Variants in APOC2 observed in about 807,000 individuals in gnomAD.
APOC2 encodes the protein apolipoprotein C-II.
A neutral mutation model predicts 10.2 loss-of-function variants in APOC2; 6 were observed. The observed-to-expected ratio is 0.59, with a 90% CI of 0.32 to 1.16. The LOEUF is 1.16. Ranked by LOEUF, APOC2 falls within the 50% of genes most tolerant of loss-of-function variation. The pLI, the probability that APOC2 is intolerant of heterozygous loss-of-function variation, is 0.05. For missense variants in APOC2, 110 were observed against 117.6 expected, an observed-to-expected ratio of 0.94 and a Z score of 0.30; for synonymous variants, 56 against 48.5, an observed-to-expected ratio of 1.15 and a Z score of -0.64.
intron 1 of APOC2, among the ~76,000 whole-genome samples, chr19:44,947,608 CAACAA>C (rs557513763): frequency 1.3e-5 from 2 of 152,172 alleles, no homozygotes; most frequent in South Asian, 2.1e-4. Context: ...CCAGCCTGGG[CAACAA>C]AACAAGTCTC....
In APOC2 at chr19:44,948,690, TC is replaced by T; in HGVS notation, c.56-6del. On this transcript the variant is annotated splice_polypyrimidine_tract_variant and intron_variant, in intron 2 of 3. Transcript: ENST00000252490. The stretch of plus-strand genomic sequence containing the variant: ...CCCCACGGGCTCTCCTGACACACTC[TC>T]CCCCTGCAGAGGTCCAGGGGACCCA... 1.9e-6 allele frequency: 3 copies of T among 1,613,382 alleles called. No individual in the cohort carries two copies. In the South Asian group the frequency reaches 3.3e-5, roughly 18 times the overall value.
intron 3 of APOC2, 29 bp from the exon 4 acceptor site, chr19:44,949,130 C>A (rs1236044161): frequency 6.2e-7 from 1 of 1,602,368 alleles, no homozygotes; most frequent in Non-Finnish European, 8.5e-7. Flanking sequence ...AGCCCCTCCT[C>A]CCTCTAACCA....
intron 3 of APOC2, 43 bp downstream of exon 3, chr19:44,948,903 C>G: frequency 1.2e-6 from 2 of 1,606,110 alleles, no homozygotes; most frequent in Non-Finnish European, 8.5e-7. Flanking sequence ...CCCATACCAC[C>G]GACTGCATCC....
At chr19:44,946,238 A>T (rs977765715) in intron 1 of APOC2, among the ~76,000 whole-genome samples, 163 bp downstream of exon 1, 58 of 137,168 alleles carry the variant, frequency 4.2e-4, no homozygotes, top group African/African-American at 1.5e-3. Flanking sequence ...TGTGTGTGAG[A>T]GAGAGAGAGA....
intron 1 of APOC2, among the ~76,000 whole-genome samples, chr19:44,946,533 G>A (rs1027462266): frequency 6.6e-6 from 1 of 151,770 alleles, no homozygotes; most frequent in Non-Finnish European, 1.5e-5. Flanking sequence ...AAAAGAGAAA[G>A]AAAAAGGGAT....
At chr19:44,947,008 C>T (rs1176569317) in intron 1 of APOC2, among the ~76,000 whole-genome samples, 1 of 151,964 alleles carries the variant, frequency 6.6e-6, no homozygotes, top group Non-Finnish European at 1.5e-5. Context: ...AAAAATTAGA[C>T]AGGCATGGTG....
At chr19:44,948,625 C>T (rs1249762485) in intron 2 of APOC2, 76 bp from the exon 3 acceptor site, 2 of 1,603,212 alleles carry the variant, frequency 1.2e-6, no homozygotes, top group Non-Finnish European at 1.7e-6. Flanking sequence ...TCTGCCTCTG[C>T]CCTCTCCTCT....
chr19:44,948,390 C>T, intron 1 of APOC2, 76 bp from the exon 2 acceptor site: 2 of 1,266,708 alleles, frequency 1.6e-6, no homozygotes, highest in Non-Finnish European at 2.3e-6. Context: ...TCAGTCCCCC[C>T]CACCAGAGTG....
At chr19:44,948,959 G>A (rs1970353278) in intron 3 of APOC2, 99 bp downstream of exon 3, 3 of 1,529,464 alleles carry the variant, frequency 2.0e-6, no homozygotes, top group East Asian at 2.3e-5. Flanking sequence ...TCAGACCCAG[G>A]AGTCCAGGCC....
rs1031798549 is a variant in APOC2, at chr19:44,948,108, T to C, written c.-13-358T>C. On this transcript the variant is annotated intron_variant, in intron 1 of 3. Coordinates refer to ENST00000252490, the MANE Select transcript of APOC2 (RefSeq NM_000483.5). ...CAAAAATCAGCCGGGTGGTGGCGGG[T>C]GCCTGTAATCCCAGCTACTGGGGAG... Among the ~76,000 whole-genome samples, 8 of 151,452 alleles carry C rather than the reference T, an allele frequency of 5.3e-5. No homozygotes were observed. The East Asian group carries it at 1.2e-3, about 22-fold the overall frequency.
At chr19:44,946,824 C>A (rs1248891230) in intron 1 of APOC2, among the ~76,000 whole-genome samples, 1 of 151,166 alleles carries the variant, frequency 6.6e-6, no homozygotes, top group Admixed American at 6.6e-5. Flanking sequence ...TCAGTCTTGG[C>A]GGAAAAAAAG....
At chr19:44,947,897 A>G (rs1436231379) in intron 1 of APOC2, among the ~76,000 whole-genome samples, 10 of 152,094 alleles carry the variant, frequency 6.6e-5, no homozygotes, top group South Asian at 6.2e-4. Context: ...GTGAAACCCC[A>G]TCTCTACTAA....
intron 1 of APOC2, among the ~76,000 whole-genome samples, chr19:44,946,885 C>T (rs1458372362): frequency 1.3e-5 from 2 of 152,158 alleles, no homozygotes; most frequent in African/African-American, 4.8e-5. Context: ...GGCGTGGTGG[C>T]TTACACTTGT....
chr19:44,948,566 G>A (rs1446332629), intron 2 of APOC2, 33 bp downstream of exon 2: 4 of 1,610,974 alleles, frequency 2.5e-6, no homozygotes, highest in Non-Finnish European at 3.4e-6. Context: ...GGAAGCCTTG[G>A]GGAGGGGAAT....
chr19:44,947,182 C>T (rs1411701994), intron 1 of APOC2: 2 of 151,780 alleles, frequency 1.3e-5, no homozygotes, highest in East Asian at 1.9e-4. Flanking sequence ...AGACCATTTG[C>T]TTGTGTTCTT....
At chr19:44,946,234 T>TGTGTGTGTGTGTGTGA (rs1236986911) in intron 1 of APOC2, among the ~76,000 whole-genome samples, 159 bp downstream of exon 1, 94 of 132,898 alleles carry the variant, frequency 7.1e-4, no homozygotes, top group African/African-American at 2.7e-3. Flanking sequence ...TGTGTGTGTG[T>TGTGTGTGTGTGTGTGA]GAGAGAGAGA....
At position 44,949,341 on chromosome 19, in the gene APOC2, T is replaced by C; in HGVS notation, c.*92T>C. 1 of 905,800 alleles carries C rather than the reference T, an allele frequency of 1.1e-6. No individual in the cohort carries two copies. Among genetic ancestry groups the C allele is most frequent in the South Asian group, 1.4e-5 (1 of 72,116 alleles). The allele number at this position is 905,800 out of a possible 1,614,324, so 56.1% of individuals were successfully genotyped here. On this transcript the variant is annotated 3_prime_UTR_variant, in exon 4 of 4. Transcript: ENST00000252490. ...TGAGCTCCCCCTTCCCAGTAGCTCT[T>C]GCATCCTCCTCCCAACTCTAGCCTG...
In APOC2 at chr19:44,949,253, C is replaced by A. The variant is rs759445478; in HGVS notation, c.*4C>A. The A allele has an allele frequency of 6.2e-7, 1 of 1,612,454 alleles. No homozygotes were observed. Among genetic ancestry groups the A allele is most frequent in the Non-Finnish European group, 8.5e-7 (1 of 1,179,070 alleles). On this transcript the variant is annotated 3_prime_UTR_variant, in exon 4 of 4. Transcript: ENST00000252490. The stretch of plus-strand genomic sequence containing the variant: ...TGTGCTGAAGGGAGAGGAGTAACAG[C>A]CAGACCCCCCATCAGTGGACAAGGG...
chr19:44,948,439 C>A (rs1488880525), intron 1 of APOC2, 27 bp from the exon 2 acceptor site: 1 of 1,602,804 alleles, frequency 6.2e-7, no homozygotes, highest in South Asian at 1.1e-5. Context: ...AGTCAGCCTG[C>A]CACATGACAC....
Sources: allele counts gnomAD v4.1 joint callset (sites outside exome capture counted in the v4.1 genomes callset), GRCh38; gene constraint gnomAD v4.1.1; transcripts MANE v1.5; gene names NCBI Gene and HGNC (gene_info 2026-07-23, HGNC 2026-07-21).